The following SLC5A1 variants were observed in gnomAD, a reference collection of about 807,000 sequenced individuals.
SLC5A1 encodes the protein solute carrier family 5 member 1.
Under a neutral mutation model 73.5 loss-of-function variants are expected in SLC5A1, and 42 were observed. That is an observed-to-expected ratio of 0.57 (90% CI 0.45 to 0.74). SLC5A1 has a LOEUF of 0.74. Ranked by LOEUF, SLC5A1 falls within the 30% of genes least tolerant of loss-of-function variation. The pLI, the probability that SLC5A1 is intolerant of heterozygous loss-of-function variation, is 0.00. For synonymous variants in SLC5A1, 300 were observed against 317.4 expected (o/e 0.95, Z 0.58); for missense variants, 634 against 855.4 (o/e 0.74, Z 3.23).
intron 5 of SLC5A1, among the ~76,000 whole-genome samples, chr22:32,078,040 C>T (rs1027486921): frequency 2.6e-5 from 4 of 152,128 alleles, no homozygotes; most frequent in Non-Finnish European, 2.9e-5. Context: ...TTAGAATATG[C>T]GCATCATTTT....
At chr22:32,072,344 T>G (rs2093984050) in intron 5 of SLC5A1, among the ~76,000 whole-genome samples, 1 of 152,164 alleles carries the variant, frequency 6.6e-6, no homozygotes, top group Non-Finnish European at 1.5e-5. Context: ...ATTAATTCAA[T>G]TAGGATAATG....
At chr22:32,103,147 T>C (rs1358033751) in intron 13 of SLC5A1, among the ~76,000 whole-genome samples, 1 of 152,236 alleles carries the variant, frequency 6.6e-6, no homozygotes, top group African/African-American at 2.4e-5. Context: ...GGAACTTCCA[T>C]AGTGTTCTTC....
chr22:32,064,961 TG>T (rs1385828697), intron 2 of SLC5A1, among the ~76,000 whole-genome samples: 1 of 152,198 alleles, frequency 6.6e-6, no homozygotes, highest in Non-Finnish European at 1.5e-5. Flanking sequence ...ACTTTTTTTT[TG>T]AGTCAGGGTC....
chr22:32,070,652 T>C (rs1262158235), intron 5 of SLC5A1, among the ~76,000 whole-genome samples: 2 of 152,108 alleles, frequency 1.3e-5, no homozygotes, highest in African/African-American at 4.8e-5. Flanking sequence ...CTTCTTTACT[T>C]CACTTTTTCT....
rs1477352188 is a variant in SLC5A1 at position 32,112,280 on chromosome 22, T to G, written c.*2067T>G. The G allele has an allele frequency of 2.6e-5, 4 of 152,280 alleles. No homozygotes were observed. The highest frequency in any genetic ancestry group is 9.6e-5 in the African/African-American group (4 of 41,548). The allele number at this position is 152,280 out of a possible 1,614,324, so 9.4% of individuals were successfully genotyped here. A position where few individuals can be genotyped will look rare whatever the true frequency, so the allele number is the denominator to read the frequency against. ...GTTGTATCACTGTTAGAAGGCTGCTTTGGGACATTCTGCAGCAGGGAGGAG... is the reference window on the plus strand; with the variant it reads ...GTTGTATCACTGTTAGAAGGCTGCTGTGGGACATTCTGCAGCAGGGAGGAG... On this transcript the variant is annotated 3_prime_UTR_variant, in exon 15 of 15. Coordinates refer to ENST00000266088, the MANE Select transcript of SLC5A1 (RefSeq NM_000343.4).
rs1449334937 is a variant in SLC5A1, at chr22:32,083,267, G to A, written c.664+113G>A. The A allele has an allele frequency of 3.6e-6, 3 of 842,384 alleles. No homozygotes were observed. In the Admixed American group the frequency reaches 6.2e-5, roughly 17 times the overall value. 52.2% of individuals were successfully genotyped at this position (842,384 alleles called of 1,614,324 possible). On this transcript the variant is annotated intron_variant, in intron 7 of 14. Coordinates refer to ENST00000266088, the MANE Select transcript of SLC5A1 (RefSeq NM_000343.4). ...TTGCCAGACTAGGCAGTGAGCTGAG[G>A]CATGCTCTGCCCTTCCAAACGGAGG...
intron 2 of SLC5A1, 73 bp from the exon 3 acceptor site, chr22:32,066,862 C>T: frequency 9.6e-7 from 1 of 1,036,516 alleles, no homozygotes; most frequent in South Asian, 1.3e-5. Context: ...GACATGTCTC[C>T]TCTCTCTTTG....
At chr22:32,048,972 A>G (rs1178038669) in intron 1 of SLC5A1, among the ~76,000 whole-genome samples, 1 of 151,922 alleles carries the variant, frequency 6.6e-6, no homozygotes, top group African/African-American at 2.4e-5. Flanking sequence ...CAGGAGGCTG[A>G]GGCACGAGAA....
Position 32,102,228 on chromosome 22 carries a change from G to A in SLC5A1, c.1656G>A (p.Pro552=), listed in dbSNP as rs375169164. ...TCTCCCTCCTCACCAAACCCATTCC[G>A]GATGTGCATGTGAGTATCCATTTAG... ...VVISLLTKPI[P]DVHLYRLCWS... Residue 552 remains proline (P), a synonymous_variant, in exon 13 of 15, where the codon CCG becomes CCA. Coordinates refer to ENST00000266088, the MANE Select transcript of SLC5A1 (RefSeq NM_000343.4). The A allele has an allele frequency of 6.3e-5, 102 of 1,611,128 alleles. No individual in the cohort carries two copies. Among genetic ancestry groups the A allele is most frequent in the Non-Finnish European group, 6.8e-5 (80 of 1,177,560 alleles).
intron 5 of SLC5A1, among the ~76,000 whole-genome samples, chr22:32,075,658 T>A (rs1489207095): frequency 6.6e-6 from 1 of 151,968 alleles, no homozygotes; most frequent in East Asian, 1.9e-4. Context: ...AACCTCACAA[T>A]ATAAATGAGT....
chr22:32,082,182 T>A (rs1210082616), intron 6 of SLC5A1, among the ~76,000 whole-genome samples: 2 of 152,168 alleles, frequency 1.3e-5, no homozygotes, highest in Non-Finnish European at 2.9e-5. Context: ...GCTGGGATAG[T>A]CAGGGCAGCT....
At chr22:32,062,614 C>T (rs1429981902) in intron 2 of SLC5A1, among the ~76,000 whole-genome samples, 5 of 152,084 alleles carry the variant, frequency 3.3e-5, no homozygotes, top group Non-Finnish European at 7.3e-5. Flanking sequence ...GTCTGAAATC[C>T]TGAATTCACA....
In SLC5A1 at chr22:32,102,129, G is replaced by A. The variant is rs201764381; in HGVS notation, c.1557G>A (p.Thr519=). The change falls in exon 13 of 15, where the codon ACG becomes ACA. Residue 519 remains threonine, a synonymous_variant. Coordinates refer to ENST00000266088, the MANE Select transcript of SLC5A1 (RefSeq NM_000343.4). The part of the protein sequence containing the change: ...GSCMEPSNCP[T]IICGVHYLYF... ...GCATGGAGCCCAGCAACTGTCCCACGATTATCTGTGGGGTGCACTACTTGT... is the reference window on the plus strand; with the variant it reads ...GCATGGAGCCCAGCAACTGTCCCACAATTATCTGTGGGGTGCACTACTTGT... 2.3e-5 allele frequency: 37 copies of A among 1,613,294 alleles called. No individual in the cohort carries two copies. Among genetic ancestry groups the A allele is most frequent in the African/African-American group, 5.3e-5 (4 of 74,846 alleles).
At chr22:32,052,350 C>T (rs2093946162) in intron 2 of SLC5A1, among the ~76,000 whole-genome samples, 2 of 152,166 alleles carry the variant, frequency 1.3e-5, no homozygotes, top group African/African-American at 4.8e-5. Context: ...TAAAATATAT[C>T]TGATTTTATC....
At chr22:32,064,433 T>C (rs1364283477) in intron 2 of SLC5A1, among the ~76,000 whole-genome samples, 1 of 151,624 alleles carries the variant, frequency 6.6e-6, no homozygotes, top group Non-Finnish European at 1.5e-5. Context: ...GAGGCAGAGG[T>C]TGCAGTGAGT....
At chr22:32,065,172 C>T (rs2093970688) in intron 2 of SLC5A1, among the ~76,000 whole-genome samples, 2 of 152,232 alleles carry the variant, frequency 1.3e-5, no homozygotes, top group East Asian at 1.9e-4. Flanking sequence ...GTCTCCAACT[C>T]CTGGTCTGAA....
At chr22:32,086,960 A>G (rs542326589) in intron 10 of SLC5A1, among the ~76,000 whole-genome samples, 31 of 152,390 alleles carry the variant, frequency 2.0e-4, no homozygotes, top group African/African-American at 6.7e-4. Context: ...ATTTATGACA[A>G]CATAAATGAA....
At chr22:32,095,012 T>C (rs1259453999) in intron 11 of SLC5A1, among the ~76,000 whole-genome samples, 1 of 152,172 alleles carries the variant, frequency 6.6e-6, no homozygotes, top group Non-Finnish European at 1.5e-5. Flanking sequence ...CCACCTTTGC[T>C]GTATCCCAGA....
chr22:32,083,808 A>G (rs1160111655), intron 7 of SLC5A1, among the ~76,000 whole-genome samples: 1 of 152,090 alleles, frequency 6.6e-6, no homozygotes, highest in East Asian at 1.9e-4. Flanking sequence ...TCCTGCAAAA[A>G]CTTGTATTTG....
Sources: allele counts gnomAD v4.1 joint callset (sites outside exome capture counted in the v4.1 genomes callset), GRCh38; gene constraint gnomAD v4.1.1; transcripts MANE v1.5; gene names NCBI Gene and HGNC (gene_info 2026-07-23, HGNC 2026-07-21).